Variants in SCAMP4 observed in about 807,000 individuals in gnomAD.
The protein encoded by SCAMP4 is secretory carrier membrane protein 4.
A neutral mutation model predicts 32.1 loss-of-function variants in SCAMP4; 19 were observed. That is an observed-to-expected ratio of 0.59 (90% CI 0.41 to 0.87). The LOEUF is 0.87. SCAMP4 is among the 40% of genes least tolerant of loss of function. SCAMP4 has a pLI of 0.00. For synonymous variants in SCAMP4, 152 were observed against 132.7 expected (o/e 1.15, Z -1.00); for missense variants, 302 against 309.0 (o/e 0.98, Z 0.17).
intron 2 of SCAMP4, chr19:1,915,410 A>T: frequency 1.6e-5 from 4 of 252,712 alleles, no homozygotes; most frequent in Non-Finnish European, 3.1e-5. Context: ...TTGCTGTCTG[A>T]CTCCCCATCT....
chr19:1,913,844 A>G (rs1305003767), intron 1 of SCAMP4, among the ~76,000 whole-genome samples: 3 of 152,190 alleles, frequency 2.0e-5, no homozygotes, highest in East Asian at 1.9e-4. Context: ...GCAAGTGTCC[A>G]TTGCCTGACC....
chr19:1,914,647 G>A (rs2013667019), intron 1 of SCAMP4: 1 of 409,784 alleles, frequency 2.4e-6, no homozygotes, highest in African/African-American at 2.0e-5. Flanking sequence ...TTCACCTTGT[G>A]GCGCCCACCC....
intron 5 of SCAMP4, chr19:1,922,846 C>G: frequency 2.4e-6 from 3 of 1,264,808 alleles, no homozygotes; most frequent in Non-Finnish European, 3.0e-6. Flanking sequence ...ACTGCACACG[C>G]GGCTCACTGC....
At chr19:1,913,323 C>G in intron 1 of SCAMP4, 1 of 1,036,432 alleles carries the variant, frequency 9.6e-7, no homozygotes, top group African/African-American at 1.7e-5. Context: ...CTTTCCTGGA[C>G]TCGGTCATTG....
intron 5 of SCAMP4, chr19:1,920,937 T>C (rs915150200): frequency 4.1e-6 from 4 of 985,216 alleles, no homozygotes; most frequent in Admixed American, 1.2e-4. Flanking sequence ...GCTCTTCTCA[T>C]TGGAGCCTGG....
At chr19:1,907,708 C>T (rs2013206881) in intron 1 of SCAMP4, among the ~76,000 whole-genome samples, 1 of 152,214 alleles carries the variant, frequency 6.6e-6, no homozygotes, top group Non-Finnish European at 1.5e-5. Flanking sequence ...CGGCCGTGTT[C>T]TGCTGGGACC....
intron 1 of SCAMP4, among the ~76,000 whole-genome samples, chr19:1,910,106 A>G (rs1443152602): frequency 6.6e-6 from 1 of 152,050 alleles, no homozygotes; most frequent in Non-Finnish European, 1.5e-5. Flanking sequence ...GGCTTAATAC[A>G]ACACCCGCCA....
At position 1,918,199 on chromosome 19, in the gene SCAMP4, A is replaced by C; in HGVS notation, c.209A>C (p.Asn70Thr). The C allele has an allele frequency of 1.2e-6, 2 of 1,612,464 alleles. No homozygotes were observed. Among genetic ancestry groups the C allele is most frequent in the Non-Finnish European group, 1.7e-6 (2 of 1,179,832 alleles). Reference sequence around the variant, plus strand: ...TGGATCGGCGGAGGCTCGGGGACCAACTTCGGCCTGGCCTTCGTGTGGCTG... The same window carrying C: ...TGGATCGGCGGAGGCTCGGGGACCACCTTCGGCCTGGCCTTCGTGTGGCTG... ...AWWIGGGSGT[N>T]FGLAFVWLLL... is the part of the protein sequence containing the mutation. The change falls in exon 4 of 7, where the codon AAC becomes ACC. Residue 70 changes from asparagine (N) to threonine (T), a missense_variant. Asn to Thr is a moderately conservative substitution (Grantham distance 65). Transcript: ENST00000316097.
At chr19:1,913,259 G>A in intron 1 of SCAMP4, 3 of 1,412,124 alleles carry the variant, frequency 2.1e-6, no homozygotes, top group Non-Finnish European at 2.8e-6. Flanking sequence ...GGATTTCAGG[G>A]ACACATACCG....
intron 1 of SCAMP4, 198 bp downstream of exon 1, chr19:1,905,637 C>G (rs1263617581): frequency 6.3e-6 from 1 of 158,690 alleles, no homozygotes; most frequent in Non-Finnish European, 1.4e-5. Context: ...TGCGCGTGCG[C>G]GCGCGCGCGC....
chr19:1,923,301 C>T (rs886936407), intron 6 of SCAMP4, 114 bp downstream of exon 6: 67 of 855,382 alleles, frequency 7.8e-5, no homozygotes, highest in Middle Eastern at 4.5e-4. Flanking sequence ...CACGGTGTCA[C>T]GCAGGCCGCA....
chr19:1,911,539 A>G (rs903669986), intron 1 of SCAMP4, among the ~76,000 whole-genome samples: 8 of 152,166 alleles, frequency 5.3e-5, no homozygotes, highest in Admixed American at 3.9e-4. Flanking sequence ...TAATCCCACC[A>G]CCAGGTTGAA....
intron 1 of SCAMP4, chr19:1,912,097 T>A: frequency 6.7e-7 from 1 of 1,495,110 alleles, no homozygotes; most frequent in South Asian, 1.3e-5. Context: ...TCGCTGAGGA[T>A]GGAGCCCGCC....
chr19:1,913,038 G>A, intron 1 of SCAMP4: 3 of 1,603,772 alleles, frequency 1.9e-6, no homozygotes, highest in Non-Finnish European at 2.5e-6. Context: ...CTCGCCCGAC[G>A]GCGCCCTGGG....
At chr19:1,910,252 C>T (rs952809227) in intron 1 of SCAMP4, among the ~76,000 whole-genome samples, 2 of 152,206 alleles carry the variant, frequency 1.3e-5, no homozygotes, top group Non-Finnish European at 2.9e-5. Flanking sequence ...CATCTGCTTG[C>T]AACTCACGCA....
In SCAMP4 at chr19:1,908,271, C is replaced by T. The variant is rs2013244988; in HGVS notation, c.-42+2832C>T. ...TTCCTGCTCCCGGCTCCCACTGCAT[C>T]TCCGGTTCTGTGCTTTGTTGAACGC... On this transcript the variant is annotated intron_variant, in intron 1 of 6. Coordinates refer to ENST00000316097, the MANE Select transcript of SCAMP4 (RefSeq NM_079834.4). This position sits in a 1 kb window ranked among gnomAD's most constrained non-coding sequence, Gnocchi z 4.2. 3.4e-6 allele frequency: 1 copy of T among 293,474 alleles called. No homozygotes were observed. Among genetic ancestry groups the T allele is most frequent in the African/African-American group, 2.3e-5 (1 of 43,330 alleles). 18.2% of individuals were successfully genotyped at this position (293,474 alleles called of 1,614,324 possible). A position where few individuals can be genotyped will look rare whatever the true frequency, so the allele number is the denominator to read the frequency against.
chr19:1,913,117 A>C, intron 1 of SCAMP4: 1 of 1,587,224 alleles, frequency 6.3e-7, no homozygotes, highest in Non-Finnish European at 8.5e-7. Context: ...GGGGTGCTGG[A>C]GGAGCAGTGC....
intron 1 of SCAMP4, chr19:1,912,479 G>C (rs746070682): frequency 1.1e-4 from 170 of 1,499,690 alleles, no homozygotes; most frequent in Non-Finnish European, 2.3e-5. Context: ...TGGTGCCCGT[G>C]CCCGCCCGGC....
intron 4 of SCAMP4, 192 bp from the exon 5 acceptor site, chr19:1,918,697 G>A: frequency 1.2e-6 from 1 of 832,412 alleles, no homozygotes; most frequent in Non-Finnish European, 1.8e-6. Context: ...GGGAGGCAGA[G>A]GTTGCAGTGA....
Sources: gnomAD v4.1 joint callset for allele counts (sites outside exome capture counted in the v4.1 genomes callset) on GRCh38, gnomAD v4.1.1 for gene constraint, Gnocchi (gnomAD v3.1) non-coding constraint, MANE v1.5 for transcripts, NCBI Gene and HGNC (gene_info 2026-07-23, HGNC 2026-07-21) for gene names.